KDM6A: variants seen among roughly 807,000 people sequenced by gnomAD.
The protein encoded by KDM6A is lysine-specific demethylase 6A.
In KDM6A, 11 loss-of-function variants were observed where a neutral mutation model predicts 117.6. The ratio of observed to expected loss-of-function variants is 0.09; its 90% CI spans 0.06 to 0.15. The LOEUF is 0.15. Among genes scored for constraint, KDM6A ranks in the 10% least tolerant of loss-of-function variants. The probability of loss-of-function intolerance (pLI) is 1.00; values close to 1 mark genes in which losing one functional copy is unlikely to be tolerated. For synonymous variants in KDM6A, 384 were observed against 396.1 expected (o/e 0.97, Z 0.36); for missense variants, 799 against 1,077.3 (o/e 0.74, Z 3.62).
intron 20 of KDM6A, 64 bp downstream of exon 20, chrX:45,078,569 A>T: frequency 1.1e-6 from 1 of 889,193 alleles, no homozygotes; most frequent in Non-Finnish European, 1.6e-6. Flanking sequence ...TAACTTTTCC[A>T]GCACTGGCAG....
intron 8 of KDM6A, among the ~76,000 whole-genome samples, chrX:45,046,978 A>G (rs866826439): frequency 4.1e-5 from 4 of 98,230 alleles, no homozygotes; most frequent in Admixed American, 1.1e-4. Flanking sequence ...ATTGGTGGTG[A>G]TGATGGTGGT....
chrX:44,956,006 T>C (rs773416874), intron 2 of KDM6A, among the ~76,000 whole-genome samples: 6 of 111,780 alleles, frequency 5.4e-5, no homozygotes, highest in Admixed American at 9.5e-5. Context: ...ATTTAATTTT[T>C]GGTGTGTTTA....
intron 27 of KDM6A, among the ~76,000 whole-genome samples, chrX:45,093,239 C>T (rs752576070): frequency 9.6e-6 from 1 of 103,654 alleles, no homozygotes; most frequent in South Asian, 4.5e-4. Flanking sequence ...AAAAATTAGC[C>T]GGGCATGGTG....
In KDM6A at chrX:45,060,209, A is replaced by G. The variant is rs746103882; in HGVS notation, c.1329+53A>G. ...TGCCCAGCTTTAAGGGTTCTTTTCA[A>G]TTCTCTAGTGGTCAAGCTTAATTTA... On this transcript the variant is annotated intron_variant, in intron 13 of 29. Transcript: ENST00000611820. 75 of 1,203,371 alleles carry G rather than the reference A, an allele frequency of 6.2e-5. 1 individual carries two copies. The highest frequency in any genetic ancestry group is 3.8e-4 in the South Asian group (21 of 55,726).
intron 4 of KDM6A, among the ~76,000 whole-genome samples, chrX:44,979,136 G>A (rs962798172): frequency 3.6e-4 from 41 of 112,330 alleles, no homozygotes; most frequent in African/African-American, 1.3e-3. Flanking sequence ...AGGTTTAACC[G>A]TCAGACTTTT....
chrX:44,907,474 T>A (rs1212175888), intron 2 of KDM6A, among the ~76,000 whole-genome samples: 1 of 103,506 alleles, frequency 9.7e-6, no homozygotes, highest in South Asian at 4.4e-4. Flanking sequence ...TGTGTGGTTT[T>A]TTTTTTCTTT....
intron 2 of KDM6A, among the ~76,000 whole-genome samples, chrX:44,908,517 C>CTGTA (rs1170446631): frequency 1.8e-5 from 2 of 111,617 alleles, no homozygotes; most frequent in Admixed American, 1.9e-4. Context: ...ACCCAAGGGC[C>CTGTA]TGTATATGGC....
intron 2 of KDM6A, among the ~76,000 whole-genome samples, chrX:44,910,196 CTT>C (rs34790334): frequency 8.9e-6 from 1 of 111,840 alleles, no homozygotes. Context: ...TTTTCATAAA[CTT>C]TTTTTGAGAC....
chrX:45,034,511 G>A (rs777495862), intron 6 of KDM6A, among the ~76,000 whole-genome samples: 16 of 111,456 alleles, frequency 1.4e-4, no homozygotes, highest in Middle Eastern at 4.6e-3. Flanking sequence ...TGTTTCAGAA[G>A]TCCATGTCTC....
chrX:44,985,057 T>C (rs1294025193), intron 4 of KDM6A, among the ~76,000 whole-genome samples: 1 of 110,017 alleles, frequency 9.1e-6, no homozygotes, highest in Non-Finnish European at 1.9e-5. Flanking sequence ...TGGAATGTTC[T>C]TCCATTTGTT....
At chrX:45,068,823 T>TCTTTCCCTTTCCCTTTCC (rs1556327258) in intron 17 of KDM6A, among the ~76,000 whole-genome samples, 2 of 95,827 alleles carry the variant, frequency 2.1e-5, no homozygotes, top group African/African-American at 1.0e-4. Flanking sequence ...TTTCTCTTTC[T>TCTTTCCCTTTCCCTTTCC]CTTTCCCTTT....
Position 45,019,864 on chromosome X carries a change from T to C in KDM6A, c.444-746T>C, listed in dbSNP as rs749853779. On this transcript the variant is annotated intron_variant, in intron 5 of 29. Transcript: ENST00000611820. Reference sequence around the variant, plus strand: ...TAATAATGTATTCAATGAAAAGTGTTTCTTTCCCCAACCCCTGAACTTGTT... The same window carrying C: ...TAATAATGTATTCAATGAAAAGTGTCTCTTTCCCCAACCCCTGAACTTGTT... 6.2e-5 allele frequency among the ~76,000 whole-genome samples: 7 copies of C among 112,031 alleles called. No individual in the cohort carries two copies. In the South Asian group the frequency reaches 2.6e-3, roughly 41 times the overall value.
intron 3 of KDM6A, among the ~76,000 whole-genome samples, chrX:44,966,058 T>A (rs2038991944): frequency 9.0e-6 from 1 of 111,673 alleles, no homozygotes; most frequent in African/African-American, 3.3e-5. Flanking sequence ...ACTTAGTGGT[T>A]GTTAAACAAT....
At chrX:44,988,680 A>G (rs1349769531) in intron 4 of KDM6A, among the ~76,000 whole-genome samples, 2 of 111,118 alleles carry the variant, frequency 1.8e-5, no homozygotes, top group Non-Finnish European at 3.8e-5. Flanking sequence ...TCCACTCCAG[A>G]CCCTGTTTGC....
chrX:45,064,498 A>G (rs1036017372), intron 17 of KDM6A, among the ~76,000 whole-genome samples: 2 of 112,569 alleles, frequency 1.8e-5, no homozygotes, highest in African/African-American at 6.5e-5. Flanking sequence ...GAAATGGGTC[A>G]TAATGTATTC....
At chrX:44,898,784 A>G (rs889710559) in intron 2 of KDM6A, among the ~76,000 whole-genome samples, 6 of 110,360 alleles carry the variant, frequency 5.4e-5, no homozygotes, top group Non-Finnish European at 1.1e-4. Context: ...TGGAAGATCA[A>G]TTCCCTGTTT....
intron 2 of KDM6A, among the ~76,000 whole-genome samples, chrX:44,902,920 C>T (rs1569394105): frequency 9.0e-6 from 1 of 111,616 alleles, no homozygotes; most frequent in Non-Finnish European, 1.9e-5. Flanking sequence ...GGATGAATAG[C>T]TTTCTCAGAC....
chrX:44,975,674 C>A (rs1425631827), intron 4 of KDM6A, among the ~76,000 whole-genome samples: 1 of 111,725 alleles, frequency 9.0e-6, no homozygotes, highest in Non-Finnish European at 1.9e-5. Flanking sequence ...TTTAACTATA[C>A]AAATCAGTGA....
At chrX:44,902,394 AC>A (rs2034406263) in intron 2 of KDM6A, among the ~76,000 whole-genome samples, 2 of 99,788 alleles carry the variant, frequency 2.0e-5, no homozygotes, top group Non-Finnish European at 3.9e-5. Flanking sequence ...TTCCATTTCT[AC>A]CTTTTTTTTT....
Sources: gnomAD v4.1 joint callset for allele counts (sites outside exome capture counted in the v4.1 genomes callset) on GRCh38, gnomAD v4.1.1 for gene constraint, MANE v1.5 for transcripts, NCBI Gene and HGNC (gene_info 2026-07-23, HGNC 2026-07-21) for gene names.